The following HTR1E variants were observed in gnomAD, a reference collection of about 807,000 sequenced individuals.
HTR1E encodes 5-HT-1E.
A neutral mutation model predicts 3.4 loss-of-function variants in HTR1E; 3 were observed. The ratio of observed to expected loss-of-function variants is 0.89; its 90% confidence interval spans 0.41 to 2.31. The LOEUF (loss-of-function observed/expected upper bound fraction) is 2.31. Ranked by LOEUF, HTR1E falls within the 30% of genes most tolerant of loss-of-function variation. The probability of loss-of-function intolerance (pLI) is 0.05; values close to 1 mark genes in which losing one functional copy is unlikely to be tolerated. For synonymous variants in HTR1E, 170 were observed against 182.8 expected (o/e 0.93, Z 0.56); for missense variants, 392 against 467.0 (o/e 0.84, Z 1.48).
chr6:87,016,277 G>T lies in HTR1E; in HGVS notation c.943G>T (p.Gly315Cys), dbSNP rs1409038983. 5.0e-6 allele frequency: 8 copies of T among 1,612,544 alleles called. No homozygotes were observed. The highest frequency in any genetic ancestry group is 2.2e-5 in the East Asian group (1 of 44,840). The change falls in exon 2 of 2, where the codon GGT becomes TGT. Residue 315 changes from glycine (G) to cysteine (C), a missense_variant. By Grantham distance (159) the Gly-to-Cys change is radical. Coordinates refer to ENST00000305344, the MANE Select transcript of HTR1E (RefSeq NM_000865.3). ...LPFFIKELIV[G>C]LSIYTVSSEV... ...ATTTTTCATCAAAGAGTTGATTGTGGGTCTGAGCATCTACACCGTGTCCTC... is the reference window on the plus strand; with the variant it reads ...ATTTTTCATCAAAGAGTTGATTGTGTGTCTGAGCATCTACACCGTGTCCTC...
At chr6:86,960,429 A>G (rs1473097906) in intron 1 of HTR1E, among the ~76,000 whole-genome samples, 4 of 152,202 alleles carry the variant, frequency 2.6e-5, no homozygotes, top group Non-Finnish European at 4.4e-5. Context: ...TAAATTTCCA[A>G]CATATGAATT....
intron 1 of HTR1E, among the ~76,000 whole-genome samples, chr6:87,011,046 G>T (rs949599638): frequency 6.6e-6 from 1 of 152,204 alleles, no homozygotes; most frequent in Non-Finnish European, 1.5e-5. Flanking sequence ...GGTCTAAGAT[G>T]CTTAAACTTT....
chr6:86,991,822 TAGTAGAATAGACTCCAGTTGCAAAC>T (rs1767872784), intron 1 of HTR1E, among the ~76,000 whole-genome samples: 2 of 152,324 alleles, frequency 1.3e-5, no homozygotes, highest in Middle Eastern at 3.4e-3. Flanking sequence ...TTATGTTTAA[TAGTAGAATAGACTCCAGTTGCAAAC>T]ATATGTTTTA....
intron 1 of HTR1E, among the ~76,000 whole-genome samples, chr6:86,963,845 C>G (rs373885911): frequency 1.3e-5 from 2 of 152,132 alleles, no homozygotes; most frequent in Non-Finnish European, 1.5e-5. Flanking sequence ...AATTGCCTAA[C>G]GACACATTTC....
chr6:86,979,301 T>A (rs1161803028), intron 1 of HTR1E, among the ~76,000 whole-genome samples: 1 of 152,230 alleles, frequency 6.6e-6, no homozygotes, highest in Non-Finnish European at 1.5e-5. Flanking sequence ...ACCATAATCA[T>A]ATGCAAATTT....
At chr6:86,985,729 CACCTCAAGGGCAAGG>C (rs1302714732) in intron 1 of HTR1E, among the ~76,000 whole-genome samples, 2 of 152,154 alleles carry the variant, frequency 1.3e-5, no homozygotes, top group Non-Finnish European at 2.9e-5. Context: ...TGAATGTGAG[CACCTCAAGGGCAAGG>C]ACCATGGCCA....
intron 1 of HTR1E, chr6:86,999,960 A>G (rs1767995927): frequency 6.5e-6 from 1 of 152,772 alleles, no homozygotes; most frequent in Non-Finnish European, 1.5e-5. Flanking sequence ...ACTAGAATAA[A>G]TTTTTAAAAT....
chr6:87,010,878 C>T (rs9344661), intron 1 of HTR1E, among the ~76,000 whole-genome samples: 7,201 of 152,310 alleles, frequency 0.047, 195 homozygotes, highest in Middle Eastern at 0.072. Context: ...CCGGCCTATA[C>T]GCCACACTTC....
chr6:86,989,676 T>C (rs1057103866), intron 1 of HTR1E, among the ~76,000 whole-genome samples: 2 of 152,168 alleles, frequency 1.3e-5, no homozygotes, highest in Non-Finnish European at 2.9e-5. Context: ...ACACTGACTG[T>C]AGCATAAAAA....
chr6:86,942,171 A>G (rs907771270), intron 1 of HTR1E, among the ~76,000 whole-genome samples: 5 of 152,178 alleles, frequency 3.3e-5, no homozygotes, highest in Non-Finnish European at 7.3e-5. Context: ...GGGAAAGGAA[A>G]GCCCACCTCA....
chr6:86,945,237 TTTTGTTTG>T (rs55799709), intron 1 of HTR1E, among the ~76,000 whole-genome samples: 13 of 151,690 alleles, frequency 8.6e-5, no homozygotes, highest in Non-Finnish European at 1.2e-4. Context: ...TGTATCTTAG[TTTTGTTTG>T]TTTGTTTGTT....
rs1206723165 is a variant in HTR1E at position 86,937,805 on chromosome 6, T to A, written c.-204T>A. The stretch of plus-strand genomic sequence containing the variant: ...GCCGGTTTGCCCAGTGCGGCGCGGC[T>A]GCACGCACCGTCCACAAGGTGAGGG... On this transcript the variant is annotated 5_prime_UTR_variant, in exon 1 of 2. Transcript: ENST00000305344. 2 of 152,840 alleles carry A rather than the reference T, an allele frequency of 1.3e-5. No individual in the cohort carries two copies. The highest frequency in any genetic ancestry group is 2.4e-5 in the African/African-American group (1 of 41,470). 9.5% of individuals were successfully genotyped at this position (152,840 alleles called of 1,614,324 possible).
intron 1 of HTR1E, among the ~76,000 whole-genome samples, chr6:86,966,682 G>T (rs1041540194): frequency 1.3e-5 from 2 of 152,064 alleles, no homozygotes; most frequent in Non-Finnish European, 2.9e-5. Flanking sequence ...TGTTTGTTGG[G>T]GACTGATTCA....
chr6:86,957,508 G>A (rs11961440), intron 1 of HTR1E, among the ~76,000 whole-genome samples: 5,758 of 152,106 alleles, frequency 0.038, 230 homozygotes, highest in East Asian at 0.15. Context: ...CAGAATTTCA[G>A]ATGAGCTTTC....
intron 1 of HTR1E, among the ~76,000 whole-genome samples, chr6:86,989,567 T>C (rs191612641): frequency 1.3e-5 from 2 of 152,312 alleles, no homozygotes; most frequent in African/African-American, 4.8e-5. Flanking sequence ...GGATACATTA[T>C]TGGTCCTTGT....
intron 1 of HTR1E, among the ~76,000 whole-genome samples, chr6:86,962,355 T>C (rs1767421191): frequency 6.6e-6 from 1 of 152,170 alleles, no homozygotes; most frequent in Admixed American, 6.5e-5. Context: ...AATTATTCAT[T>C]CTATAAATAC....
intron 1 of HTR1E, among the ~76,000 whole-genome samples, chr6:87,000,814 T>C (rs75322329): frequency 0.13 from 19,945 of 152,162 alleles, 2,094 homozygotes; most frequent in African/African-American, 0.28. Context: ...ATGTACAAAA[T>C]GCACTGGAAA....
chr6:86,983,215 A>G (rs2127825933), intron 1 of HTR1E, among the ~76,000 whole-genome samples: 1 of 152,326 alleles, frequency 6.6e-6, no homozygotes, highest in Non-Finnish European at 1.5e-5. Context: ...CATTGTTTCA[A>G]CTGAAATTAG....
At chr6:86,945,232 C>T (rs1476099636) in intron 1 of HTR1E, among the ~76,000 whole-genome samples, 1 of 151,684 alleles carries the variant, frequency 6.6e-6, no homozygotes, top group Non-Finnish European at 1.5e-5. Flanking sequence ...GTGTCTGTAT[C>T]TTAGTTTTGT....
Sources: allele counts gnomAD v4.1 joint callset (sites outside exome capture counted in the v4.1 genomes callset), GRCh38; gene constraint gnomAD v4.1.1; transcripts MANE v1.5; gene names NCBI Gene and HGNC (gene_info 2026-07-23, HGNC 2026-07-21).